IL1RAPL1: variants seen among roughly 807,000 people sequenced by gnomAD.
IL1RAPL1 encodes interleukin 1 receptor accessory protein like 1.
Under a neutral mutation model 48.4 loss-of-function variants are expected in IL1RAPL1, and 3 were observed. The observed-to-expected ratio is 0.06, with a 90% CI of 0.03 to 0.16. The LOEUF (loss-of-function observed/expected upper bound fraction) is 0.16. Ranked by LOEUF, IL1RAPL1 falls within the 10% of genes least tolerant of loss-of-function variation. The pLI is 1.00. For synonymous variants in IL1RAPL1, 185 were observed against 187.7 expected (o/e 0.99, Z 0.12); for missense variants, 349 against 530.6 (o/e 0.66, Z 3.36).
intron 5 of IL1RAPL1, among the ~76,000 whole-genome samples, chrX:29,512,883 C>G (rs1455759930): frequency 1.8e-5 from 2 of 111,937 alleles, no homozygotes; most frequent in Admixed American, 9.5e-5. Flanking sequence ...CTTATGATCT[C>G]TGAATGGTTT....
intron 1 of IL1RAPL1, among the ~76,000 whole-genome samples, chrX:28,737,640 A>C (rs1031442744): frequency 8.9e-6 from 1 of 112,297 alleles, no homozygotes; most frequent in Non-Finnish European, 1.9e-5. Flanking sequence ...AACAAACTTG[A>C]TTTCTTACAA....
intron 2 of IL1RAPL1, among the ~76,000 whole-genome samples, chrX:28,860,972 G>T (rs1233313274): frequency 9.1e-6 from 1 of 110,406 alleles, no homozygotes; most frequent in Admixed American, 9.7e-5. Flanking sequence ...TATAAATTCT[G>T]TTAACTATGT....
intron 5 of IL1RAPL1, among the ~76,000 whole-genome samples, chrX:29,547,062 A>C (rs1216449573): frequency 2.7e-5 from 3 of 111,807 alleles, no homozygotes. Flanking sequence ...AGTGCCTGAC[A>C]CTAGAAAACC....
chrX:29,890,113 T>C (rs1932247577), intron 6 of IL1RAPL1, among the ~76,000 whole-genome samples: 1 of 111,589 alleles, frequency 9.0e-6, no homozygotes, highest in Admixed American at 9.6e-5. Context: ...TAAATTCTGC[T>C]TTTTCTTTCT....
At chrX:28,706,308 A>G (rs770732855) in intron 1 of IL1RAPL1, among the ~76,000 whole-genome samples, 90 of 112,558 alleles carry the variant, frequency 8.0e-4, no homozygotes, top group African/African-American at 2.8e-3. Context: ...CTAAGTATGT[A>G]ATAGGCTGTA....
At chrX:28,608,295 A>G (rs1300225180) in intron 1 of IL1RAPL1, among the ~76,000 whole-genome samples, 1 of 111,610 alleles carries the variant, frequency 9.0e-6, no homozygotes, top group African/African-American at 3.3e-5. Flanking sequence ...TTGAGTACAG[A>G]GCTGGTAGCA....
chrX:28,652,728 T>G (rs2146904607), intron 1 of IL1RAPL1, among the ~76,000 whole-genome samples: 1 of 111,481 alleles, frequency 9.0e-6, no homozygotes, highest in Non-Finnish European at 1.9e-5. Flanking sequence ...TGATACCATT[T>G]ACACAACAGT....
chrX:28,794,935 A>G (rs762704031), intron 2 of IL1RAPL1, among the ~76,000 whole-genome samples: 1 of 112,058 alleles, frequency 8.9e-6, no homozygotes, highest in Non-Finnish European at 1.9e-5. Context: ...ATTTATGTGC[A>G]GCTGCTCTCT....
At chrX:28,611,637 C>T (rs996549542) in intron 1 of IL1RAPL1, among the ~76,000 whole-genome samples, 9 of 112,918 alleles carry the variant, frequency 8.0e-5, no homozygotes, top group African/African-American at 2.9e-4. Flanking sequence ...ATCAGAGCTT[C>T]CTAATACTGC....
At chrX:29,272,366 T>C (rs1932053788) in intron 2 of IL1RAPL1, among the ~76,000 whole-genome samples, 1 of 111,938 alleles carries the variant, frequency 8.9e-6, no homozygotes, top group African/African-American at 3.2e-5. Context: ...TGTTCTGTTA[T>C]TGTTCTGTTC....
At chrX:29,729,501 T>A (rs1927862773) in intron 6 of IL1RAPL1, among the ~76,000 whole-genome samples, 1 of 111,103 alleles carries the variant, frequency 9.0e-6, no homozygotes, top group Admixed American at 9.7e-5. Context: ...CCCTCATTTT[T>A]AAAATTTTCA....
intron 2 of IL1RAPL1, among the ~76,000 whole-genome samples, chrX:29,226,115 G>C (rs189397241): frequency 9.0e-6 from 1 of 111,669 alleles, no homozygotes; most frequent in East Asian, 2.8e-4. Context: ...GCATTTTCTA[G>C]CTTATACAGT....
chrX:28,954,259 G>A (rs899128069), intron 2 of IL1RAPL1, among the ~76,000 whole-genome samples: 2 of 111,114 alleles, frequency 1.8e-5, no homozygotes, highest in African/African-American at 3.3e-5. Flanking sequence ...TTCATATAGC[G>A]TCTTCAATGT....
At chrX:28,965,418 G>GA (rs1176681208) in intron 2 of IL1RAPL1, among the ~76,000 whole-genome samples, 1 of 111,122 alleles carries the variant, frequency 9.0e-6, no homozygotes, top group African/African-American at 3.3e-5. Flanking sequence ...TTAAAGGTCT[G>GA]AAAAAAATGC....
chrX:28,786,888 T>G (rs1936481230), intron 1 of IL1RAPL1, among the ~76,000 whole-genome samples: 1 of 112,266 alleles, frequency 8.9e-6, no homozygotes, highest in Non-Finnish European at 1.9e-5. Context: ...GGTGCAAATT[T>G]TGATTATGCA....
rs1367506280 is a variant in IL1RAPL1, at chrX:29,081,016, CTCTCTT to C, written c.83-201918_83-201913del. On this transcript the variant is annotated intron_variant, in intron 2 of 10. Coordinates refer to ENST00000378993, the MANE Select transcript of IL1RAPL1 (RefSeq NM_014271.4). Reference sequence around the variant, plus strand: ...TCTTTCTCTCTCTCTCTCTCTCTCTCTCTCTTTCTTTTCTTTTCTTTTCTTTTCTTT... The same window carrying C: ...TCTTTCTCTCTCTCTCTCTCTCTCTCTCTTTTCTTTTCTTTTCTTTTCTTT... 7.7e-4 allele frequency among the ~76,000 whole-genome samples: 42 copies of C among 54,408 alleles called. 2 individuals are homozygous for C. The highest frequency in any genetic ancestry group is 2.3e-3 in the African/African-American group (34 of 14,684). 47.2% of individuals were successfully genotyped at this position (54,408 alleles called of 115,157 possible). A position where few individuals can be genotyped will look rare whatever the true frequency, so the allele number is the denominator to read the frequency against.
At chrX:28,632,212 C>T (rs1403151477) in intron 1 of IL1RAPL1, among the ~76,000 whole-genome samples, 3 of 111,642 alleles carry the variant, frequency 2.7e-5, no homozygotes, top group Admixed American at 1.9e-4. Context: ...TGAGGCCTCA[C>T]TTCCTGGTTA....
chrX:28,962,882 ATG>A (rs56826606), intron 2 of IL1RAPL1, among the ~76,000 whole-genome samples: 3,856 of 95,522 alleles, frequency 0.04, 121 homozygotes, highest in African/African-American at 0.11. Context: ...GTCTGTGTGT[ATG>A]TGTGTGTGTG....
In IL1RAPL1 at chrX:28,880,425, C is replaced by T. The variant is rs1320106023; in HGVS notation, c.82+91000C>T. On this transcript the variant is annotated intron_variant, in intron 2 of 10. Coordinates refer to ENST00000378993, the MANE Select transcript of IL1RAPL1 (RefSeq NM_014271.4). Reference sequence around the variant, plus strand: ...AATCTCACTACAGGGGCAGACATGCCACTTTTGAATAGCTCTAATTGTTAA... The same window carrying T: ...AATCTCACTACAGGGGCAGACATGCTACTTTTGAATAGCTCTAATTGTTAA... Among the ~76,000 whole-genome samples the T allele has an allele frequency of 3.6e-5, 4 of 112,314 alleles. No individual in the cohort carries two copies. In the East Asian group the frequency reaches 1.1e-3, roughly 31 times the overall value.
Sources: gnomAD v4.1 joint callset for allele counts (sites outside exome capture counted in the v4.1 genomes callset) on GRCh38, gnomAD v4.1.1 for gene constraint, MANE v1.5 for transcripts, NCBI Gene and HGNC (gene_info 2026-07-23, HGNC 2026-07-21) for gene names.